Variants in ECPAS observed in about 807,000 individuals in gnomAD.
The protein encoded by ECPAS is proteasome adapter and scaffold protein ECM29.
A neutral mutation model predicts 255.1 loss-of-function variants in ECPAS; 70 were observed. The observed-to-expected ratio is 0.27, with a 90% CI of 0.23 to 0.33. The LOEUF (loss-of-function observed/expected upper bound fraction) is 0.33, where lower values mean the gene tolerates loss of function less well. Among genes scored for constraint, ECPAS ranks in the 10% least tolerant of loss-of-function variants. The probability of loss-of-function intolerance (pLI) is 1.00; values close to 1 mark genes in which losing one functional copy is unlikely to be tolerated. For synonymous variants in ECPAS, 784 were observed against 775.0 expected, an observed-to-expected ratio of 1.01 and a Z score of -0.19; for missense variants, 1,817 against 2,206.4, an observed-to-expected ratio of 0.82 and a Z score of 3.54.
At chr9:111,480,287 C>CTTTTTTT (rs1282400347) in intron 1 of ECPAS, among the ~76,000 whole-genome samples, 2 of 113,682 alleles carry the variant, frequency 1.8e-5, no homozygotes, top group African/African-American at 3.4e-5. Flanking sequence ...TTAAAAGCAC[C>CTTTTTTT]TTTTCTTTTT....
intron 1 of ECPAS, among the ~76,000 whole-genome samples, chr9:111,473,320 T>C (rs2098291624): frequency 6.6e-6 from 1 of 152,218 alleles, no homozygotes; most frequent in Admixed American, 6.5e-5. Flanking sequence ...CATAAATATA[T>C]AAACTGTTAC....
intron 2 of ECPAS, among the ~76,000 whole-genome samples, chr9:111,452,449 G>C (rs1238262938): frequency 6.6e-6 from 1 of 152,052 alleles, no homozygotes; most frequent in Admixed American, 6.6e-5. Context: ...ATATTTAAAG[G>C]AATCTTTTTT....
intron 33 of ECPAS, among the ~76,000 whole-genome samples, chr9:111,384,781 G>A (rs1453589444): frequency 6.6e-6 from 1 of 152,130 alleles, no homozygotes; most frequent in Non-Finnish European, 1.5e-5. Flanking sequence ...AACATTAACT[G>A]TAACCTATTT....
intron 22 of ECPAS, 76 bp from the exon 23 acceptor site, chr9:111,410,289 A>G: frequency 7.7e-7 from 1 of 1,299,554 alleles, no homozygotes; most frequent in South Asian, 1.6e-5. Flanking sequence ...GATGTACTCA[A>G]GGTTTTTTTT....
intron 23 of ECPAS, 150 bp downstream of exon 23, chr9:111,409,891 A>G (rs1280358779): frequency 1.6e-6 from 1 of 635,798 alleles, no homozygotes; most frequent in Non-Finnish European, 2.7e-6. Flanking sequence ...TCAAAAGTAA[A>G]CACTTAAGAC....
intron 3 of ECPAS, among the ~76,000 whole-genome samples, chr9:111,448,457 G>A (rs1267618532): frequency 6.6e-6 from 1 of 152,068 alleles, no homozygotes; most frequent in East Asian, 1.9e-4. Flanking sequence ...TATTAATAAA[G>A]ACAAGATGTT....
intron 35 of ECPAS, among the ~76,000 whole-genome samples, chr9:111,382,351 G>A (rs1440441325): frequency 7.1e-6 from 1 of 141,218 alleles, no homozygotes; most frequent in Non-Finnish European, 1.5e-5. Flanking sequence ...CGCAACCTCC[G>A]CCTCCTGGGT....
chr9:111,421,985 T>C lies in ECPAS; in HGVS notation c.1391A>G (p.Tyr464Cys). Residue 464 changes from tyrosine (Y) to cysteine (C), a missense_variant, in exon 15 of 50, where the codon TAT becomes TGT. Transcript: ENST00000684092. ...QEALSMMVGA[Y>C]STLEGAQRTL... is the part of the protein sequence containing the mutation. ...TCGCTGTGCCCCTTCCAAAGTACTA[T>C]ACGCTCCAACCATCATAGATAAAGC... The C allele has an allele frequency of 1.2e-6, 2 of 1,613,758 alleles. No individual in the cohort carries two copies. Among genetic ancestry groups the C allele is most frequent in the Non-Finnish European group, 1.7e-6 (2 of 1,179,792 alleles).
At chr9:111,406,316 C>A (rs1321528594) in intron 24 of ECPAS, among the ~76,000 whole-genome samples, 1 of 149,484 alleles carries the variant, frequency 6.7e-6, no homozygotes, top group Non-Finnish European at 1.5e-5. Context: ...GAAAACTGAT[C>A]TCATGGAAGT....
intron 31 of ECPAS, 122 bp downstream of exon 31, chr9:111,389,434 T>G (rs1304768131): frequency 1.2e-6 from 1 of 859,668 alleles, no homozygotes; most frequent in Non-Finnish European, 1.7e-6. Flanking sequence ...GAAAGACAAT[T>G]TATTTGTTTA....
At chr9:111,482,921 A>T (rs756579490) in intron 1 of ECPAS, among the ~76,000 whole-genome samples, 6 of 152,136 alleles carry the variant, frequency 3.9e-5, no homozygotes, top group Non-Finnish European at 8.8e-5. Flanking sequence ...TCGAGGGGGC[A>T]CTAACTCTCC....
intron 24 of ECPAS, among the ~76,000 whole-genome samples, chr9:111,399,848 T>C (rs2098173058): frequency 6.6e-6 from 1 of 152,242 alleles, no homozygotes. Flanking sequence ...CAAGTCCTGG[T>C]TGGCTCCAAC....
chr9:111,468,628 T>TGAGAGAGAGA lies in ECPAS; in HGVS notation c.22+4259_22+4268dup, dbSNP rs199930694. ...ACCAATTCTGGGCAAAGAGAGTGAGTGAGAGAGAGAGAGAGAGAGAGAGAG... is the reference window on the plus strand; with the variant it reads ...ACCAATTCTGGGCAAAGAGAGTGAGTGAGAGAGAGAGAGAGAGAGAGAGAGAGAGAGAGAG... On this transcript the variant is annotated intron_variant, in intron 2 of 49. Coordinates refer to ENST00000684092, the MANE Select transcript of ECPAS (RefSeq NM_001364929.1). 4.4e-4 allele frequency among the ~76,000 whole-genome samples: 61 copies of TGAGAGAGAGA among 140,050 alleles called. 1 individual carries two copies. The highest frequency in any genetic ancestry group is 1.4e-3 in the African/African-American group (55 of 38,488). The allele number at this position is 140,050 out of a possible 152,430, so 91.9% of individuals were successfully genotyped here.
At position 111,412,067 on chromosome 9, in the gene ECPAS, T is replaced by C. The variant is rs1589160851; in HGVS notation, c.2161A>G (p.Asn721Asp). The change falls in exon 21 of 50, where the codon AAT becomes GAT. Residue 721 changes from asparagine (N) to aspartate (D), a missense_variant. This residue lies in a region of ECPAS where 194 missense variants were observed against 152.8 expected (regional missense o/e 1.27). Coordinates refer to ENST00000684092, the MANE Select transcript of ECPAS (RefSeq NM_001364929.1). ...TGTTCTATCATTGATTTCAACTCATTCCCCGACACTGTTGATACCACTACA... is the reference window on the plus strand; with the variant it reads ...TGTTCTATCATTGATTTCAACTCATCCCCCGACACTGTTGATACCACTACA... ...YSVVVSTVSG[N>D]ELKSMIEQLI... is the part of the protein sequence containing the mutation. 1 of 1,592,728 alleles carries C rather than the reference T, an allele frequency of 6.3e-7. No homozygotes were observed. Among genetic ancestry groups the C allele is most frequent in the Non-Finnish European group, 8.5e-7 (1 of 1,174,188 alleles).
chr9:111,412,236 A>T (rs1589161220), intron 20 of ECPAS, 88 bp from the exon 21 acceptor site: 10 of 1,167,404 alleles, frequency 8.6e-6, no homozygotes, highest in Non-Finnish European at 1.1e-5. Context: ...AAGAACGTTC[A>T]ATCTGTTGAT....
intron 2 of ECPAS, among the ~76,000 whole-genome samples, chr9:111,471,126 G>A (rs948300754): frequency 1.3e-5 from 2 of 152,166 alleles, no homozygotes; most frequent in African/African-American, 4.8e-5. Flanking sequence ...GTAAGCCCTA[G>A]AATGTTCTTT....
In ECPAS at chr9:111,373,204, CAGG is replaced by C; in HGVS notation, c.4299_4301del (p.Leu1434del). 6.2e-7 allele frequency: 1 copy of C among 1,613,744 alleles called. No individual in the cohort carries two copies. Among genetic ancestry groups the C allele is most frequent in the Non-Finnish European group, 8.5e-7 (1 of 1,179,746 alleles). On this transcript the variant is annotated inframe_deletion, in exon 41 of 50. Coordinates refer to ENST00000684092, the MANE Select transcript of ECPAS (RefSeq NM_001364929.1). The stretch of plus-strand genomic sequence containing the variant: ...CCATATACCACCCATTGAGCTTCTG[CAGG>C]AGTTTTTCAGTGCTGCTATCCCGTG...
chr9:111,422,556 C>A (rs917332275), intron 13 of ECPAS, among the ~76,000 whole-genome samples: 2 of 152,146 alleles, frequency 1.3e-5, no homozygotes, highest in African/African-American at 4.8e-5. Context: ...TGGCTGACAA[C>A]CCTGCACTAT....
At chr9:111,411,164 G>A in intron 21 of ECPAS, 22 bp from the exon 22 acceptor site, 3 of 1,611,696 alleles carry the variant, frequency 1.9e-6, no homozygotes, top group Non-Finnish European at 2.5e-6. Context: ...AAAAACAATA[G>A]CATATCTCTG....
Sources: gnomAD v4.1 joint callset for allele counts (sites outside exome capture counted in the v4.1 genomes callset) on GRCh38, gnomAD v4.1.1 for gene constraint, gnomAD v4.1.1 regional missense constraint, MANE v1.5 for transcripts, NCBI Gene and HGNC (gene_info 2026-07-23, HGNC 2026-07-21) for gene names.